Variants in MMP16 observed in about 807,000 individuals in gnomAD.
The protein encoded by MMP16 is matrix metallopeptidase 16.
MMP16 carries 12 observed loss-of-function variants against 67.8 expected under a neutral mutation model. The observed-to-expected ratio is 0.18, with a 90% CI of 0.11 to 0.29. The LOEUF is 0.29. Among genes scored for constraint, MMP16 ranks in the 10% least tolerant of loss-of-function variants. The pLI is 1.00. For synonymous variants in MMP16, 249 were observed against 255.9 expected, an observed-to-expected ratio of 0.97 and a Z score of 0.26; for missense variants, 475 against 765.7, an observed-to-expected ratio of 0.62 and a Z score of 4.48.
chr8:88,246,631 G>C (rs940999285), intron 1 of MMP16, among the ~76,000 whole-genome samples: 1 of 152,118 alleles, frequency 6.6e-6, no homozygotes, highest in African/African-American at 2.4e-5. Context: ...GAAGGATCCA[G>C]AATAGTATCA....
chr8:88,039,314 A>C lies in MMP16; in HGVS notation c.*2147T>G, dbSNP rs946212776. The C allele has an allele frequency of 6.6e-6, 1 of 152,554 alleles. No homozygotes were observed. The highest frequency in any genetic ancestry group is 2.4e-5 in the African/African-American group (1 of 41,432). 9.5% of individuals were successfully genotyped at this position (152,554 alleles called of 1,614,324 possible). On this transcript the variant is annotated 3_prime_UTR_variant, in exon 10 of 10. Transcript: ENST00000286614. The surrounding 1 kb of genome is among the most constrained non-coding windows in gnomAD (Gnocchi z 4.5). ...AATTTAGACTTGAAATTATATTAAA[A>C]TGAAATTAAAATTCACTTCTACCTA...
rs529468661 is a variant in MMP16, at chr8:88,316,631, C to A, written c.132+10444G>T. ...CTCACTGACAACATATCTGGTCACCCAGAGCTCTGATGGAGATGTATAAGG... is the reference window on the plus strand; with the variant it reads ...CTCACTGACAACATATCTGGTCACCAAGAGCTCTGATGGAGATGTATAAGG... On this transcript the variant is annotated intron_variant, in intron 1 of 9. Transcript: ENST00000286614. Among the ~76,000 whole-genome samples the A allele has an allele frequency of 1.6e-4, 25 of 152,208 alleles. No individual in the cohort carries two copies. The South Asian group carries it at 5.2e-3, about 32-fold the overall frequency.
chr8:88,121,903 C>A (rs1807844470), intron 4 of MMP16, among the ~76,000 whole-genome samples: 2 of 152,000 alleles, frequency 1.3e-5, no homozygotes, highest in South Asian at 4.1e-4. Flanking sequence ...TCTCCGCTGA[C>A]ATATCCTGAA....
In MMP16 at chr8:88,033,950, A is replaced by G. The variant is rs968296250; in HGVS notation, c.*7511T>C. The G allele has an allele frequency of 2.6e-5, 4 of 152,102 alleles. No homozygotes were observed. The highest frequency in any genetic ancestry group is 9.6e-5 in the African/African-American group (4 of 41,454). The allele number at this position is 152,102 out of a possible 1,614,324, so 9.4% of individuals were successfully genotyped here. ...CACTATACTGTGACTACTTTCCTGT[A>G]TAATTATTTAAGATACATTCTCCAA... On this transcript the variant is annotated 3_prime_UTR_variant, in exon 10 of 10. Transcript: ENST00000286614.
chr8:88,296,534 T>C (rs1431488504), intron 1 of MMP16, among the ~76,000 whole-genome samples: 1 of 152,112 alleles, frequency 6.6e-6, no homozygotes, highest in Non-Finnish European at 1.5e-5. Context: ...CATTTTCCTT[T>C]TGAAATAAAG....
chr8:88,162,090 T>C (rs984102582), intron 4 of MMP16, among the ~76,000 whole-genome samples: 3 of 152,112 alleles, frequency 2.0e-5, no homozygotes, highest in Admixed American at 6.6e-5. Flanking sequence ...GATCCATTTA[T>C]ATGTTTTTGT....
Position 88,041,685 on chromosome 8 carries a change from C to T in MMP16, c.1600G>A (p.Gly534Arg). 1 of 1,613,978 alleles carries T rather than the reference C, an allele frequency of 6.2e-7. No individual in the cohort carries two copies. The highest frequency in any genetic ancestry group is 1.1e-5 in the South Asian group (1 of 91,086). The change falls in exon 10 of 10, where the codon GGA (glycine) becomes AGA (arginine). Residue 534 changes from glycine to arginine, a missense_variant. Coordinates refer to ENST00000286614, the MANE Select transcript of MMP16 (RefSeq NM_005941.5). This position sits in a 1 kb window ranked among gnomAD's most constrained non-coding sequence, Gnocchi z 6.0. ...CCTTCTTTAACTCTGTCTGTTGGTC[C>T]ATCACAGCCCATAAAATCCTTGAGG... ...SILKDFMGCD[G>R]PTDRVKEGHS...
rs1466813945 is a variant in MMP16 at position 88,273,745 on chromosome 8, AG to A, written c.132+53329del. Among the ~76,000 whole-genome samples the A allele has an allele frequency of 2.0e-5, 3 of 152,338 alleles. No homozygotes were observed. In the East Asian group the frequency reaches 5.8e-4, roughly 29 times the overall value. ...CTTATAAATAATAGAAAATATTAAT[AG>A]GCATCTTCAAATACAATTTCCCCTT... On this transcript the variant is annotated intron_variant, in intron 1 of 9. Transcript: ENST00000286614.
chr8:88,192,809 C>G (rs1809191179), intron 2 of MMP16, among the ~76,000 whole-genome samples: 1 of 152,182 alleles, frequency 6.6e-6, no homozygotes, highest in African/African-American at 2.4e-5. Flanking sequence ...TCTACTTATT[C>G]AACCTTAAAT....
At chr8:88,074,267 T>G (rs1808608183) in intron 7 of MMP16, among the ~76,000 whole-genome samples, 1 of 152,118 alleles carries the variant, frequency 6.6e-6, no homozygotes, top group Admixed American at 6.6e-5. Flanking sequence ...TTTTATTACC[T>G]AAAACCAGCA....
intron 1 of MMP16, among the ~76,000 whole-genome samples, chr8:88,205,407 T>C (rs1207954742): frequency 1.3e-5 from 2 of 152,110 alleles, no homozygotes; most frequent in South Asian, 2.1e-4. Flanking sequence ...ACCAAGAATG[T>C]TCAGTTTTTA....
At chr8:88,156,763 C>T (rs1237465914) in intron 4 of MMP16, among the ~76,000 whole-genome samples, 1 of 151,526 alleles carries the variant, frequency 6.6e-6, no homozygotes. Context: ...AAATTTGAAA[C>T]TTTGATTTCA....
At chr8:88,223,227 G>A (rs1431987457) in intron 1 of MMP16, among the ~76,000 whole-genome samples, 1 of 152,050 alleles carries the variant, frequency 6.6e-6, no homozygotes, top group Non-Finnish European at 1.5e-5. Flanking sequence ...AAATAGGAAT[G>A]CTTTTATGCT....
intron 6 of MMP16, among the ~76,000 whole-genome samples, chr8:88,098,358 C>G (rs911997665): frequency 6.6e-6 from 1 of 151,946 alleles, no homozygotes; most frequent in Non-Finnish European, 1.5e-5. Context: ...ACTGGTTGCC[C>G]ACATGGGTGG....
chr8:88,066,434 T>C (rs1808464166), intron 7 of MMP16, among the ~76,000 whole-genome samples: 1 of 152,138 alleles, frequency 6.6e-6, no homozygotes, highest in Admixed American at 6.6e-5. Context: ...ATACATTTTC[T>C]ATTTCTGGGT....
chr8:88,294,305 T>C (rs920176683), intron 1 of MMP16, among the ~76,000 whole-genome samples: 5 of 151,070 alleles, frequency 3.3e-5, no homozygotes, highest in African/African-American at 1.2e-4. Flanking sequence ...TATATATGTA[T>C]ATATGTATAT....
intron 1 of MMP16, among the ~76,000 whole-genome samples, chr8:88,298,576 C>T (rs901108087): frequency 1.1e-4 from 16 of 152,054 alleles, no homozygotes; most frequent in African/African-American, 2.9e-4. Context: ...AGTTCTACTC[C>T]GACCTCCTGA....
At chr8:88,317,392 C>T (rs1811390227) in intron 1 of MMP16, among the ~76,000 whole-genome samples, 1 of 152,116 alleles carries the variant, frequency 6.6e-6, no homozygotes, top group African/African-American at 2.4e-5. Flanking sequence ...AGAGGACTTG[C>T]CAAAGGCTGA....
rs1808056027 is a variant in MMP16 at position 88,036,493 on chromosome 8, C to T, written c.*4968G>A. On this transcript the variant is annotated 3_prime_UTR_variant, in exon 10 of 10. Transcript: ENST00000286614. ...TTCCTGGTTGCCGCTTTATTTATTA[C>T]ATAAAATTCTAATTTTTAAGATATA... The T allele has an allele frequency of 2.0e-5, 3 of 151,684 alleles. No individual in the cohort carries two copies. Among genetic ancestry groups the T allele is most frequent in the Admixed American group, 2.0e-4 (3 of 15,202 alleles). The allele number at this position is 151,684 out of a possible 1,614,324, so 9.4% of individuals were successfully genotyped here.
Sources: allele counts gnomAD v4.1 joint callset (sites outside exome capture counted in the v4.1 genomes callset), GRCh38; gene constraint gnomAD v4.1.1; non-coding constraint Gnocchi (gnomAD v3.1); transcripts MANE v1.5; gene names NCBI Gene and HGNC (gene_info 2026-07-23, HGNC 2026-07-21).